GRM5: variants seen among roughly 807,000 people sequenced by gnomAD.
GRM5 encodes the protein glutamate metabotropic receptor 5, also known as metabotropic glutamate receptor 5.
GRM5 carries 19 observed loss-of-function variants against 83.1 expected under a neutral mutation model. The ratio of observed to expected loss-of-function variants is 0.23; its 90% CI spans 0.16 to 0.34. The LOEUF is 0.34. GRM5 is among the 10% of genes least tolerant of loss of function. The pLI is 1.00. For synonymous variants in GRM5, 675 were observed against 633.6 expected, an observed-to-expected ratio of 1.07 and a Z score of -0.98; for missense variants, 1,160 against 1,588.3, an observed-to-expected ratio of 0.73 and a Z score of 4.58.
At chr11:88,817,581 T>A (rs1202559942) in intron 3 of GRM5, among the ~76,000 whole-genome samples, 4 of 152,148 alleles carry the variant, frequency 2.6e-5, no homozygotes, top group East Asian at 1.9e-4. Context: ...GTGTAAGGTA[T>A]TTTTATTACC....
intron 3 of GRM5, among the ~76,000 whole-genome samples, chr11:88,662,870 T>G (rs1309492815): frequency 1.3e-5 from 2 of 152,138 alleles, no homozygotes; most frequent in African/African-American, 4.8e-5. Flanking sequence ...TTGAATATAT[T>G]TGGAAGCAGA....
chr11:88,825,858 T>G (rs967204394), intron 3 of GRM5, among the ~76,000 whole-genome samples: 12 of 152,196 alleles, frequency 7.9e-5, no homozygotes, highest in African/African-American at 2.7e-4. Context: ...ATATTTCCAT[T>G]TCTCCTTAAT....
chr11:88,576,220 TC>T (rs1372626397), intron 7 of GRM5, among the ~76,000 whole-genome samples: 1 of 152,192 alleles, frequency 6.6e-6, no homozygotes, highest in African/African-American at 2.4e-5. Flanking sequence ...TCTTCTACTT[TC>T]CAGATTCTCC....
chr11:88,836,978 C>T (rs1944105386), intron 3 of GRM5, among the ~76,000 whole-genome samples: 1 of 152,098 alleles, frequency 6.6e-6, no homozygotes, highest in Admixed American at 6.5e-5. Context: ...TTTCTGTTTA[C>T]TAAAAACTAA....
chr11:88,900,532 A>C (rs1423589751), intron 2 of GRM5, among the ~76,000 whole-genome samples: 3 of 152,096 alleles, frequency 2.0e-5, no homozygotes, highest in African/African-American at 7.2e-5. Context: ...ATGTTGGTTA[A>C]AATGATCATT....
At chr11:89,063,960 A>T (rs1942050876) in intron 1 of GRM5, among the ~76,000 whole-genome samples, 1 of 152,144 alleles carries the variant, frequency 6.6e-6, no homozygotes, top group South Asian at 2.1e-4. Context: ...AAATTCTAAG[A>T]ATAAACCTGT....
At chr11:88,545,105 A>G (rs1211231086) in intron 8 of GRM5, among the ~76,000 whole-genome samples, 1 of 152,142 alleles carries the variant, frequency 6.6e-6, no homozygotes, top group Non-Finnish European at 1.5e-5. Context: ...AACCTGACTC[A>G]TCTGCAACTG....
chr11:88,873,088 G>A (rs186321410), intron 2 of GRM5, among the ~76,000 whole-genome samples: 1 of 151,578 alleles, frequency 6.6e-6, no homozygotes, highest in Non-Finnish European at 1.5e-5. Context: ...GCAAAATAGA[G>A]CTTAAGCCAA....
At chr11:88,610,751 C>G (rs1938289875) in intron 4 of GRM5, among the ~76,000 whole-genome samples, 1 of 152,172 alleles carries the variant, frequency 6.6e-6, no homozygotes, top group Admixed American at 6.6e-5. Context: ...ACTTCCAGCA[C>G]TACATTGAAT....
chr11:88,967,254 T>C lies in GRM5; in HGVS notation c.661+79958A>G, dbSNP rs1359523943. On this transcript the variant is annotated intron_variant, in intron 2 of 9. Coordinates refer to ENST00000305447, the MANE Select transcript of GRM5 (RefSeq NM_001143831.3). ...ATGTATATATATATATACACATATA[T>C]ATATATATATATATATATATATAAA... 0.017 allele frequency among the ~76,000 whole-genome samples: 375 copies of C among 21,444 alleles called. 3 individuals are homozygous for C. The African/African-American group carries it at 0.22, about 13-fold the overall frequency. The allele number at this position is 21,444 out of a possible 152,430, so 14.1% of individuals were successfully genotyped here.
chr11:88,991,648 C>G (rs1019596935), intron 2 of GRM5, among the ~76,000 whole-genome samples: 23 of 150,462 alleles, frequency 1.5e-4, no homozygotes, highest in African/African-American at 5.1e-4. Flanking sequence ...CAGCATGGTA[C>G]TGGTACCAAA....
intron 3 of GRM5, among the ~76,000 whole-genome samples, chr11:88,839,129 T>C (rs1428592922): frequency 6.6e-6 from 1 of 152,208 alleles, no homozygotes; most frequent in East Asian, 1.9e-4. Flanking sequence ...AACCCTCTTT[T>C]CATTAATTAA....
chr11:88,682,921 T>C (rs965474618), intron 3 of GRM5, among the ~76,000 whole-genome samples: 2 of 151,960 alleles, frequency 1.3e-5, no homozygotes, highest in African/African-American at 2.4e-5. Flanking sequence ...CTTACTGGTG[T>C]TTAAACGGAA....
chr11:88,896,543 G>A (rs1945231091), intron 2 of GRM5, among the ~76,000 whole-genome samples: 1 of 151,716 alleles, frequency 6.6e-6, no homozygotes, highest in Admixed American at 6.6e-5. Flanking sequence ...TTATTGTAAG[G>A]CATTTGCTTA....
At chr11:88,845,826 T>A (rs1944295970) in intron 3 of GRM5, among the ~76,000 whole-genome samples, 1 of 152,136 alleles carries the variant, frequency 6.6e-6, no homozygotes. Context: ...ACGCACATTT[T>A]CTCCAAGGAA....
At chr11:88,548,379 T>C (rs1942429221) in intron 8 of GRM5, among the ~76,000 whole-genome samples, 1 of 152,086 alleles carries the variant, frequency 6.6e-6, no homozygotes, top group South Asian at 2.1e-4. Context: ...TAACAATTAA[T>C]CAAAAACATT....
intron 2 of GRM5, among the ~76,000 whole-genome samples, chr11:89,041,912 GT>G (rs554669443): frequency 2.9e-3 from 435 of 152,220 alleles, no homozygotes; most frequent in African/African-American, 9.9e-3. Context: ...GGGATCTCAT[GT>G]TTTCAGAATT....
At chr11:89,010,986 A>G (rs1459078835) in intron 2 of GRM5, among the ~76,000 whole-genome samples, 2 of 152,210 alleles carry the variant, frequency 1.3e-5, no homozygotes, top group Admixed American at 6.5e-5. Flanking sequence ...AAGAAAAGCT[A>G]TATTTAATTT....
chr11:88,596,937 T>C (rs1285282127), intron 6 of GRM5, among the ~76,000 whole-genome samples: 4 of 152,104 alleles, frequency 2.6e-5, no homozygotes, highest in African/African-American at 9.7e-5. Context: ...AAGTCATGTC[T>C]TTAAAGGCTT....
Sources: allele counts gnomAD v4.1 joint callset (sites outside exome capture counted in the v4.1 genomes callset), GRCh38; gene constraint gnomAD v4.1.1; transcripts MANE v1.5; gene names NCBI Gene and HGNC (gene_info 2026-07-23, HGNC 2026-07-21).